The following IL12A variants were observed in gnomAD, a reference collection of about 807,000 sequenced individuals.
The protein encoded by IL12A is interleukin 12A.
A neutral mutation model predicts 23.5 loss-of-function variants in IL12A; 16 were observed. The observed-to-expected ratio is 0.68, with a 90% confidence interval of 0.46 to 1.03. IL12A has a LOEUF of 1.03. Among genes scored for constraint, IL12A ranks in the 50% least tolerant of loss-of-function variants. The pLI is 0.00. For missense variants in IL12A, 275 were observed against 307.0 expected, an observed-to-expected ratio of 0.90 and a Z score of 0.78; for synonymous variants, 106 against 111.5, an observed-to-expected ratio of 0.95 and a Z score of 0.31.
chr3:159,995,341 T>A, intron 6 of IL12A, 63 bp from the exon 7 acceptor site: 1 of 1,354,222 alleles, frequency 7.4e-7, no homozygotes, highest in Middle Eastern at 1.9e-4. Context: ...TCACTCATTT[T>A]TATGAATGAA....
intron 2 of IL12A, among the ~76,000 whole-genome samples, chr3:159,992,626 C>T (rs117815756): frequency 1.3e-5 from 2 of 152,312 alleles, no homozygotes; most frequent in East Asian, 3.9e-4. Flanking sequence ...ACAGTTCCCC[C>T]TTTAGAAGTT....
chr3:159,989,147 T>G lies in IL12A; in HGVS notation c.91T>G (p.Cys31Gly), dbSNP rs1463079246. 1.9e-6 allele frequency: 3 copies of G among 1,611,974 alleles called. No homozygotes were observed. In the African/African-American group the frequency reaches 4.0e-5, roughly 22 times the overall value. ...AGCGGCTCGCCCTGTGTCCCTGCAG[T>G]GCCGGCTCAGCATGTGTCCAGCGCG... is the stretch of plus-strand genomic sequence containing the variant. The change falls in exon 1 of 7, where the codon TGC becomes GGC. Residue 31 changes from cysteine to glycine, a missense_variant. Cys to Gly is a radical substitution (Grantham distance 159). Coordinates refer to ENST00000305579, the MANE Select transcript of IL12A (RefSeq NM_000882.4).
chr3:159,993,367 A>G (rs768115301), intron 3 of IL12A, 84 bp from the exon 4 acceptor site: 84 of 1,052,700 alleles, frequency 8.0e-5, no homozygotes, highest in Middle Eastern at 5.9e-4. Context: ...TGTTTTTACC[A>G]TAATAAAAAA....
chr3:159,995,674 C>G lies in IL12A; in HGVS notation c.*115C>G. On this transcript the variant is annotated 3_prime_UTR_variant, in exon 7 of 7. Coordinates refer to ENST00000305579, the MANE Select transcript of IL12A (RefSeq NM_000882.4). ...GGAAAGAAGGATGGGACTATTACAT[C>G]CACATGATACCTCTGATCAAGTATT... is the stretch of plus-strand genomic sequence containing the variant. The G allele has an allele frequency of 4.7e-6, 3 of 642,662 alleles. No homozygotes were observed. The highest frequency in any genetic ancestry group is 6.2e-5 in the South Asian group (2 of 32,344). 39.8% of individuals were successfully genotyped at this position (642,662 alleles called of 1,614,324 possible). A position where few individuals can be genotyped will look rare whatever the true frequency, so the allele number is the denominator to read the frequency against.
chr3:159,989,605 A>C (rs1720228276), intron 1 of IL12A, among the ~76,000 whole-genome samples: 1 of 152,146 alleles, frequency 6.6e-6, no homozygotes, highest in African/African-American at 2.4e-5. Context: ...AACATGGTGA[A>C]ACCCCGTCTC....
intron 6 of IL12A, chr3:159,994,267 G>T (rs2227314): frequency 0.57 from 89,806 of 156,548 alleles, 26,178 homozygotes; most frequent in African/African-American, 0.67. Flanking sequence ...GCTCCAGGAT[G>T]TGCATGCAAG....
intron 2 of IL12A, among the ~76,000 whole-genome samples, chr3:159,991,377 G>A (rs1019538162): frequency 2.6e-5 from 4 of 152,164 alleles, no homozygotes; most frequent in Admixed American, 6.5e-5. Flanking sequence ...CATATCCAGG[G>A]CACAGGTTTG....
At chr3:159,993,278 T>G in intron 3 of IL12A, 153 bp downstream of exon 3, 1 of 738,686 alleles carries the variant, frequency 1.4e-6, no homozygotes, top group Non-Finnish European at 2.2e-6. Context: ...AAAATTATTT[T>G]TAAAAAATGG....
At position 159,990,164 on chromosome 3, in the gene IL12A, C is replaced by T. The variant is rs747076124; in HGVS notation, c.119-3C>T. The stretch of plus-strand genomic sequence containing the variant: ...CTCCTCCACCTGCTCCTCTTCCTTC[C>T]AGGCCTCCTCCTTGTGGCTACCCTG... On this transcript the variant is annotated splice_region_variant and splice_polypyrimidine_tract_variant and intron_variant, in intron 1 of 6. Transcript: ENST00000305579. 1 of 1,613,900 alleles carries T rather than the reference C, an allele frequency of 6.2e-7. No homozygotes were observed. The highest frequency in any genetic ancestry group is 1.7e-5 in the Admixed American group (1 of 60,002).
At chr3:159,993,535 A>G in intron 4 of IL12A, 33 bp from the exon 5 acceptor site, 1 of 1,614,048 alleles carries the variant, frequency 6.2e-7, no homozygotes, top group Non-Finnish European at 8.5e-7. Context: ...TGATGAATTC[A>G]TATCACTGAT....
Position 159,993,073 on chromosome 3 carries a change from C to T in IL12A, c.326C>T (p.Thr109Ile), listed in dbSNP as rs142035807. ...GAAGAGATTGATCATGAAGATATCA[C>T]AAAAGATAAAACCAGCACAGTGGAG... is the stretch of plus-strand genomic sequence containing the variant. The change falls in exon 3 of 7, where the codon ACA becomes ATA. Residue 109 changes from threonine to isoleucine, a missense_variant. Coordinates refer to ENST00000305579, the MANE Select transcript of IL12A (RefSeq NM_000882.4). 3 of 1,610,542 alleles carry T rather than the reference C, an allele frequency of 1.9e-6. No homozygotes were observed. The highest frequency in any genetic ancestry group is 2.5e-6 in the Non-Finnish European group (3 of 1,176,826).
At position 159,994,126 on chromosome 3, in the gene IL12A, G is replaced by C. The variant is rs1402128828; in HGVS notation, c.606+282G>C. Reference sequence around the variant, plus strand: ...ATGTCAGCCTCAAAACAACCATATGGGATCTGCACAAAGGAGGGAACCAAA... The same window carrying C: ...ATGTCAGCCTCAAAACAACCATATGCGATCTGCACAAAGGAGGGAACCAAA... On this transcript the variant is annotated intron_variant, in intron 6 of 6. Coordinates refer to ENST00000305579, the MANE Select transcript of IL12A (RefSeq NM_000882.4). 2.0e-5 allele frequency: 7 copies of C among 344,816 alleles called. No homozygotes were observed. The East Asian group carries it at 3.3e-4, about 16-fold the overall frequency. The allele number at this position is 344,816 out of a possible 1,614,324, so 21.4% of individuals were successfully genotyped here. A position where few individuals can be genotyped will look rare whatever the true frequency, so the allele number is the denominator to read the frequency against.
intron 2 of IL12A, among the ~76,000 whole-genome samples, chr3:159,992,777 A>G (rs540544650): frequency 6.6e-6 from 1 of 152,394 alleles, no homozygotes; most frequent in Admixed American, 6.5e-5. Flanking sequence ...ACATAATGAA[A>G]AAATATGTAA....
intron 2 of IL12A, 34 bp downstream of exon 2, chr3:159,990,346 G>T (rs778023301): frequency 6.2e-7 from 1 of 1,605,412 alleles, no homozygotes; most frequent in South Asian, 1.1e-5. Context: ...CTGTGGACCT[G>T]CACCCTCCCT....
intron 6 of IL12A, among the ~76,000 whole-genome samples, chr3:159,994,579 CGTGT>C (rs60659167): frequency 0.037 from 5,067 of 135,666 alleles, 130 homozygotes; most frequent in East Asian, 0.092. Context: ...TTATTCTTTT[CGTGT>C]GTGTGTGTGT....
At chr3:159,992,541 G>C (rs475825) in intron 2 of IL12A, among the ~76,000 whole-genome samples, 27,717 of 152,204 alleles carry the variant, frequency 0.18, 2,748 homozygotes, top group South Asian at 0.34. Context: ...GTGTGTGCGT[G>C]TGTGCACTGC....
intron 3 of IL12A, 154 bp from the exon 4 acceptor site, chr3:159,993,297 G>C: frequency 1.4e-6 from 1 of 732,604 alleles, no homozygotes; most frequent in Non-Finnish European, 2.2e-6. Context: ...GGTTTTTTTT[G>C]CAACAATGTG....
At chr3:159,989,383 A>C in intron 1 of IL12A, 1 of 571,972 alleles carries the variant, frequency 1.7e-6, no homozygotes, top group Non-Finnish European at 3.1e-6. Context: ...AGCTATCATT[A>C]TGCCCACTTC....
intron 6 of IL12A, among the ~76,000 whole-genome samples, chr3:159,994,799 C>T (rs1465198662): frequency 1.3e-5 from 2 of 152,144 alleles, no homozygotes; most frequent in Non-Finnish European, 2.9e-5. Context: ...CCCCTCTGTG[C>T]CTCAGTTTCC....
Sources: allele counts gnomAD v4.1 joint callset (sites outside exome capture counted in the v4.1 genomes callset), GRCh38; gene constraint gnomAD v4.1.1; transcripts MANE v1.5; gene names NCBI Gene and HGNC (gene_info 2026-07-23, HGNC 2026-07-21).